Variants in TLK1 observed in about 807,000 individuals in gnomAD.
TLK1 encodes the protein tousled like kinase 1.
A neutral mutation model predicts 105.3 loss-of-function variants in TLK1; 24 were observed. The ratio of observed to expected loss-of-function variants is 0.23; its 90% CI spans 0.17 to 0.32. The LOEUF (loss-of-function observed/expected upper bound fraction) is 0.32, where lower values mean the gene tolerates loss of function less well. TLK1 is among the 10% of genes least tolerant of loss of function. TLK1 has a pLI of 1.00. For synonymous variants in TLK1, 321 were observed against 310.4 expected (o/e 1.03, Z -0.36); for missense variants, 558 against 910.5 (o/e 0.61, Z 4.98).
At chr2:171,014,194 C>T (rs1014989949) in intron 13 of TLK1, among the ~76,000 whole-genome samples, 7 of 152,162 alleles carry the variant, frequency 4.6e-5, no homozygotes, top group African/African-American at 9.7e-5. Context: ...CTGGTCTAGG[C>T]TTTACGGATA....
intron 12 of TLK1, among the ~76,000 whole-genome samples, chr2:171,025,669 ATCTTT>A (rs1310589753): frequency 6.6e-6 from 1 of 152,232 alleles, no homozygotes; most frequent in Non-Finnish European, 1.5e-5. Context: ...AAGTGATAAC[ATCTTT>A]TCTTTTGACT....
At position 171,135,311 on chromosome 2, in the gene TLK1, GTGTGTGTGTATATATA is replaced by G. The variant is rs1439485689; in HGVS notation, c.140-17470_140-17455del. ...CCACATTATGTGTGTGTTTGTGTGT[GTGTGTGTGTATATATA>G]TATATATATATATATATCAAAACAT... On this transcript the variant is annotated intron_variant, in intron 1 of 20. Coordinates refer to ENST00000431350, the MANE Select transcript of TLK1 (RefSeq NM_012290.5). Among the ~76,000 whole-genome samples the G allele has an allele frequency of 4.6e-3, 686 of 147,838 alleles. 9 individuals carry two copies. Among genetic ancestry groups the G allele is most frequent in the African/African-American group, 0.016 (634 of 39,886 alleles).
chr2:171,115,473 T>C (rs1005263828), intron 2 of TLK1, among the ~76,000 whole-genome samples: 1 of 152,088 alleles, frequency 6.6e-6, no homozygotes, highest in African/African-American at 2.4e-5. Context: ...GTGCCCGGCC[T>C]TTTAAGAATA....
chr2:171,170,621 G>C (rs1257942437), intron 1 of TLK1, among the ~76,000 whole-genome samples: 3 of 152,352 alleles, frequency 2.0e-5, no homozygotes, highest in South Asian at 2.1e-4. Context: ...ATAGAGACCA[G>C]ATAATGATGC....
chr2:171,013,973 G>A (rs1402302822), intron 13 of TLK1, among the ~76,000 whole-genome samples: 3 of 152,066 alleles, frequency 2.0e-5, no homozygotes, highest in African/African-American at 7.2e-5. Flanking sequence ...TCTTTCAATT[G>A]CTTCAACATA....
At chr2:171,024,686 G>A (rs1559349359) in intron 12 of TLK1, among the ~76,000 whole-genome samples, 2 of 152,146 alleles carry the variant, frequency 1.3e-5, no homozygotes, top group South Asian at 4.1e-4. Flanking sequence ...TTCAAGTTTT[G>A]GCTTTGTCAC....
At chr2:171,100,247 G>A (rs1055280385) in intron 2 of TLK1, among the ~76,000 whole-genome samples, 1 of 152,150 alleles carries the variant, frequency 6.6e-6, no homozygotes, top group Non-Finnish European at 1.5e-5. Context: ...ATTGAATATG[G>A]TCTGTTCATC....
upstream of TLK1, among the ~76,000 whole-genome samples, chr2:171,161,458 C>A (rs567177056): frequency 4.6e-5 from 7 of 152,086 alleles, no homozygotes; most frequent in East Asian, 1.2e-3. Flanking sequence ...GAATAATGAC[C>A]GAATAAAAGA....
At chr2:171,215,066 G>T (rs534109406) in intron 1 of TLK1, among the ~76,000 whole-genome samples, 1 of 151,658 alleles carries the variant, frequency 6.6e-6, no homozygotes, top group Non-Finnish European at 1.5e-5. Flanking sequence ...TTAGTCTCCC[G>T]AGTAGCTGGG....
intron 19 of TLK1, 29 bp from the exon 20 acceptor site, chr2:170,996,789 C>CT (rs748338332): frequency 6.5e-7 from 1 of 1,544,254 alleles, no homozygotes; most frequent in African/African-American, 1.4e-5. Flanking sequence ...TGTTGAGATA[C>CT]TTTTCTCACA....
chr2:171,108,881 C>A (rs1284491808), intron 2 of TLK1, among the ~76,000 whole-genome samples: 1 of 152,150 alleles, frequency 6.6e-6, no homozygotes, highest in Non-Finnish European at 1.5e-5. Flanking sequence ...CAGGCATGAG[C>A]CACTACTCCC....
At position 170,996,813 on chromosome 2, in the gene TLK1, CAG is replaced by C. The variant is rs1053319088; in HGVS notation, c.2017-55_2017-54del. 3.6e-5 allele frequency: 53 copies of C among 1,454,448 alleles called. No individual in the cohort carries two copies. The African/African-American group carries it at 7.0e-4, about 19-fold the overall frequency. 90.1% of individuals were successfully genotyped at this position (1,454,448 alleles called of 1,614,324 possible). On this transcript the variant is annotated intron_variant, in intron 19 of 20. Coordinates refer to ENST00000431350, the MANE Select transcript of TLK1 (RefSeq NM_012290.5). Reference sequence around the variant, plus strand: ...ACTTTTCTCACAAAATATTTAAACACAGATATCATTTCTGTTTAAGCGAATTC... The same window carrying C: ...ACTTTTCTCACAAAATATTTAAACACATATCATTTCTGTTTAAGCGAATTC...
intron 11 of TLK1, among the ~76,000 whole-genome samples, chr2:171,041,772 C>T (rs1686689123): frequency 6.6e-6 from 1 of 152,050 alleles, no homozygotes; most frequent in African/African-American, 2.4e-5. Flanking sequence ...ATAGTAACTT[C>T]ATTTTCTATG....
At chr2:171,013,684 G>A (rs1685040003) in intron 13 of TLK1, among the ~76,000 whole-genome samples, 1 of 152,088 alleles carries the variant, frequency 6.6e-6, no homozygotes, top group African/African-American at 2.4e-5. Context: ...AATGATCTGT[G>A]TATTTATGAA....
chr2:171,073,880 C>CCA (rs1688375729), intron 3 of TLK1, among the ~76,000 whole-genome samples: 1 of 98,348 alleles, frequency 1.0e-5, no homozygotes, highest in Non-Finnish European at 2.3e-5. Flanking sequence ...ATTCCCCCCC[C>CCA]CCCTCCTTTT....
chr2:171,126,382 A>C (rs1345012898), intron 1 of TLK1, among the ~76,000 whole-genome samples: 1 of 152,144 alleles, frequency 6.6e-6, no homozygotes, highest in Non-Finnish European at 1.5e-5. Context: ...AAACTCAATA[A>C]ATGTTGATTA....
chr2:171,212,311 C>A (rs1693633536), intron 1 of TLK1, among the ~76,000 whole-genome samples: 2 of 149,106 alleles, frequency 1.3e-5, no homozygotes, highest in Non-Finnish European at 3.0e-5. Context: ...CCTCCCCCAC[C>A]GCCCCCAAGC....
intron 1 of TLK1, among the ~76,000 whole-genome samples, chr2:171,204,880 C>T (rs563878382): frequency 6.6e-6 from 1 of 152,088 alleles, no homozygotes; most frequent in South Asian, 2.1e-4. Flanking sequence ...ATCACTTGAA[C>T]CCGGGATTCG....
intron 1 of TLK1, among the ~76,000 whole-genome samples, chr2:171,118,511 G>A (rs1051620944): frequency 5.3e-5 from 8 of 152,026 alleles, no homozygotes; most frequent in East Asian, 1.9e-4. Context: ...ACACAAACAC[G>A]TTTACCACAC....
Sources: allele counts gnomAD v4.1 joint callset (sites outside exome capture counted in the v4.1 genomes callset), GRCh38; gene constraint gnomAD v4.1.1; transcripts MANE v1.5; gene names NCBI Gene and HGNC (gene_info 2026-07-23, HGNC 2026-07-21).